The following CSMD3 variants were observed in gnomAD, a reference collection of about 807,000 sequenced individuals.
CSMD3 encodes the protein CUB and sushi domain-containing protein 3.
In CSMD3, 177 loss-of-function variants were observed where a neutral mutation model predicts 435.2. The ratio of observed to expected loss-of-function variants is 0.41; its 90% confidence interval spans 0.36 to 0.46. The LOEUF is 0.46. Among genes scored for constraint, CSMD3 ranks in the 20% least tolerant of loss-of-function variants. The pLI, the probability that CSMD3 is intolerant of heterozygous loss-of-function variation, is 0.34. For synonymous variants in CSMD3, 1,656 were observed against 1,520.5 expected (o/e 1.09, Z -2.07); for missense variants, 4,265 against 4,504.6 (o/e 0.95, Z 1.52).
rs1213834807 is a variant in CSMD3 at position 113,232,188 on chromosome 8, A to C, written c.514+46404T>G. 3.3e-5 allele frequency among the ~76,000 whole-genome samples: 5 copies of C among 151,586 alleles called. 1 individual carries two copies. The highest frequency in any genetic ancestry group is 7.4e-5 in the Non-Finnish European group (5 of 67,660). ...CTCAGTATTGGCTATTTACTTGTAA[A>C]ATAATGTATATTTCACAAAATTGCT... On this transcript the variant is annotated intron_variant, in intron 3 of 70. Transcript: ENST00000297405.
At chr8:112,820,783 A>G (rs1019316731) in intron 12 of CSMD3, among the ~76,000 whole-genome samples, 8 of 151,752 alleles carry the variant, frequency 5.3e-5, no homozygotes, top group Non-Finnish European at 8.8e-5. Context: ...GCATTTAGCT[A>G]TTTGTCCTAA....
At chr8:112,909,360 T>C (rs1201485212) in intron 10 of CSMD3, among the ~76,000 whole-genome samples, 1 of 151,638 alleles carries the variant, frequency 6.6e-6, no homozygotes, top group Non-Finnish European at 1.5e-5. Flanking sequence ...AAATCTGTCA[T>C]AAATATTGGC....
intron 27 of CSMD3, among the ~76,000 whole-genome samples, chr8:112,525,874 TTA>T (rs954743210): frequency 2.8e-5 from 4 of 143,166 alleles, no homozygotes; most frequent in Admixed American, 1.4e-4. Flanking sequence ...TTTTTGTTTT[TTA>T]TATATATAAA....
rs923045440 is a variant in CSMD3 at position 113,065,731 on chromosome 8, T to C, written c.917+33025A>G. Among the ~76,000 whole-genome samples, 12 of 152,270 alleles carry C rather than the reference T, an allele frequency of 7.9e-5. No individual in the cohort carries two copies. In the East Asian group the frequency reaches 2.3e-3, roughly 29 times the overall value. ...AAAAAATTATCTGGTCTTTATCATA[T>C]GTCATTCCTTCAGACCCTCCATTAT... On this transcript the variant is annotated intron_variant, in intron 5 of 70. Transcript: ENST00000297405.
intron 4 of CSMD3, among the ~76,000 whole-genome samples, chr8:113,153,083 A>AGAGAAAGAAAGAAAGAAAG (rs2091849507): frequency 2.4e-5 from 2 of 84,830 alleles, no homozygotes; most frequent in African/African-American, 1.3e-4. Context: ...AGAAAAAGAA[A>AGAGAAAGAAAGAAAGAAAG]GAAAGAAAGA....
chr8:113,425,748 A>G (rs1000178661), intron 1 of CSMD3, among the ~76,000 whole-genome samples: 1 of 151,588 alleles, frequency 6.6e-6, no homozygotes, highest in East Asian at 1.9e-4. Context: ...AAAAGGCTGT[A>G]AAAAGAGCGT....
At chr8:113,239,498 T>TTATCTATCATCTATC (rs1554584189) in intron 3 of CSMD3, among the ~76,000 whole-genome samples, 4 of 149,004 alleles carry the variant, frequency 2.7e-5, no homozygotes, top group African/African-American at 1.0e-4. Flanking sequence ...GTATGTAGTT[T>TTATCTATCATCTATC]TATCTATCTA....
intron 1 of CSMD3, among the ~76,000 whole-genome samples, chr8:113,320,501 T>C (rs543272203): frequency 5.3e-5 from 8 of 152,230 alleles, no homozygotes; most frequent in South Asian, 4.1e-4. Flanking sequence ...ACAAACAACA[T>C]TCACACTTGT....
At chr8:112,502,224 C>A (rs1303906869) in intron 30 of CSMD3, among the ~76,000 whole-genome samples, 1 of 152,070 alleles carries the variant, frequency 6.6e-6, no homozygotes, top group Non-Finnish European at 1.5e-5. Flanking sequence ...ACCCATATTC[C>A]CAAGGTCTAA....
intron 30 of CSMD3, among the ~76,000 whole-genome samples, chr8:112,502,487 G>A (rs1822070366): frequency 6.6e-6 from 1 of 152,186 alleles, no homozygotes. Flanking sequence ...TGATGACAGA[G>A]ATATCGGAGG....
At chr8:112,510,054 T>C (rs987012597) in intron 28 of CSMD3, among the ~76,000 whole-genome samples, 6 of 152,244 alleles carry the variant, frequency 3.9e-5, no homozygotes, top group African/African-American at 1.2e-4. Context: ...GAGTCTTCTC[T>C]TTTTTTCACT....
intron 59 of CSMD3, among the ~76,000 whole-genome samples, chr8:112,273,882 A>T (rs11784683): frequency 6.6e-6 from 1 of 150,634 alleles, no homozygotes; most frequent in Non-Finnish European, 1.5e-5. Context: ...AGATAAACAG[A>T]CCCAGTCATT....
intron 13 of CSMD3, among the ~76,000 whole-genome samples, chr8:112,788,750 T>C (rs1265832326): frequency 6.6e-6 from 1 of 152,100 alleles, no homozygotes; most frequent in Non-Finnish European, 1.5e-5. Flanking sequence ...TCATTCTAAT[T>C]CTTGGCATGT....
intron 59 of CSMD3, among the ~76,000 whole-genome samples, chr8:112,267,390 A>T (rs904322599): frequency 3.9e-5 from 6 of 152,100 alleles, no homozygotes. Flanking sequence ...GGGGAGTAAA[A>T]AGATTTTTTT....
chr8:112,312,459 T>C (rs963967217), intron 49 of CSMD3, among the ~76,000 whole-genome samples: 1 of 152,112 alleles, frequency 6.6e-6, no homozygotes, highest in African/African-American at 2.4e-5. Flanking sequence ...TGTCACTATG[T>C]TGGCTAGGCT....
chr8:113,211,966 T>C (rs1168823612), intron 3 of CSMD3, among the ~76,000 whole-genome samples: 4 of 152,304 alleles, frequency 2.6e-5, no homozygotes, highest in African/African-American at 7.2e-5. Context: ...ATAAAACTTA[T>C]TGGGCAAATT....
At chr8:112,497,112 A>G (rs981647566) in intron 30 of CSMD3, among the ~76,000 whole-genome samples, 4 of 152,082 alleles carry the variant, frequency 2.6e-5, no homozygotes, top group Non-Finnish European at 4.4e-5. Flanking sequence ...TAAAAATAAC[A>G]AAGGAAAACT....
chr8:112,230,954 C>G (rs1813027720), intron 69 of CSMD3, among the ~76,000 whole-genome samples: 1 of 152,138 alleles, frequency 6.6e-6, no homozygotes, highest in African/African-American at 2.4e-5. Context: ...ACACCAAAAG[C>G]TATGTGTATA....
chr8:112,495,838 A>G (rs1374370664), intron 30 of CSMD3, among the ~76,000 whole-genome samples: 2 of 151,998 alleles, frequency 1.3e-5, no homozygotes, highest in Non-Finnish European at 2.9e-5. Context: ...AAGATATATC[A>G]GAAGATATAT....
Sources: allele counts gnomAD v4.1 joint callset (sites outside exome capture counted in the v4.1 genomes callset), GRCh38; gene constraint gnomAD v4.1.1; transcripts MANE v1.5; gene names NCBI Gene and HGNC (gene_info 2026-07-23, HGNC 2026-07-21).